The following GATA4 variants were observed in gnomAD, a reference collection of about 807,000 sequenced individuals.
GATA4 encodes the protein GATA binding protein 4, also known as transcription factor GATA-4.
Under a neutral mutation model 37.9 loss-of-function variants are expected in GATA4, and 7 were observed. The observed-to-expected ratio is 0.18, with a 90% CI of 0.11 to 0.35. The LOEUF is 0.35. Among genes scored for constraint, GATA4 ranks in the 10% least tolerant of loss-of-function variants. GATA4 has a pLI of 1.00. For synonymous variants in GATA4, 372 were observed against 292.6 expected, an observed-to-expected ratio of 1.27 and a Z score of -2.77; for missense variants, 647 against 653.0, an observed-to-expected ratio of 0.99 and a Z score of 0.10.
upstream of GATA4, among the ~76,000 whole-genome samples, chr8:11,699,286 G>A (rs145620997): frequency 1.3e-5 from 2 of 152,306 alleles, no homozygotes; most frequent in Admixed American, 6.5e-5. Flanking sequence ...GTTAACCCTG[G>A]TCTTGCTCTG....
chr8:11,714,052 G>A (rs1301024205), intron 2 of GATA4, among the ~76,000 whole-genome samples: 3 of 152,174 alleles, frequency 2.0e-5, no homozygotes, highest in African/African-American at 7.2e-5. Context: ...AGTACTTAAG[G>A]CTGAAAAGGA....
chr8:11,677,476 A>C (rs1038405221), intron 1 of GATA4, among the ~76,000 whole-genome samples: 13 of 152,310 alleles, frequency 8.5e-5, no homozygotes, highest in Middle Eastern at 3.4e-3. Context: ...AATCAAATGG[A>C]TCTGACCAGG....
chr8:11,715,555 A>G (rs1800400638), intron 2 of GATA4, among the ~76,000 whole-genome samples: 1 of 152,154 alleles, frequency 6.6e-6, no homozygotes, highest in African/African-American at 2.4e-5. Context: ...AGCCTGGCCA[A>G]TGTGGTGAAA....
At chr8:11,721,644 T>C (rs1800683582) in intron 2 of GATA4, among the ~76,000 whole-genome samples, 1 of 152,024 alleles carries the variant, frequency 6.6e-6, no homozygotes, top group African/African-American at 2.4e-5. Context: ...TGAGTTCAAA[T>C]TGAGGGCCAA....
intron 6 of GATA4, among the ~76,000 whole-genome samples, chr8:11,758,034 G>T (rs1802692033): frequency 6.6e-6 from 1 of 152,196 alleles, no homozygotes; most frequent in South Asian, 2.1e-4. Flanking sequence ...AGCCTTCTGG[G>T]CAACCACAGT....
At chr8:11,744,634 C>T (rs976540741) in intron 2 of GATA4, among the ~76,000 whole-genome samples, 3 of 152,212 alleles carry the variant, frequency 2.0e-5, no homozygotes, top group Non-Finnish European at 2.9e-5. Flanking sequence ...CAACGTTTTC[C>T]TCTATGGTTA....
chr8:11,725,141 C>A lies in GATA4; in HGVS notation c.616+16213C>A, dbSNP rs1017519623. Among the ~76,000 whole-genome samples, 38 of 152,188 alleles carry A rather than the reference C, an allele frequency of 2.5e-4. 1 individual carries two copies. The highest frequency in any genetic ancestry group is 5.9e-5 in the Non-Finnish European group (4 of 68,036). ...AGCCTCGTGCGCAGCCCATGCAGTCCCTGTGGGGCTGGGGTAGAGATGAGG... is the reference window on the plus strand; with the variant it reads ...AGCCTCGTGCGCAGCCCATGCAGTCACTGTGGGGCTGGGGTAGAGATGAGG... On this transcript the variant is annotated intron_variant, in intron 2 of 6. Transcript: ENST00000532059.
At chr8:11,716,536 G>T (rs928835368) in intron 2 of GATA4, among the ~76,000 whole-genome samples, 2 of 152,128 alleles carry the variant, frequency 1.3e-5, no homozygotes, top group Admixed American at 1.3e-4. Flanking sequence ...TTCACAGGAG[G>T]TTGCTTTACT....
chr8:11,708,034 C>T lies in GATA4; in HGVS notation c.-279C>T. The T allele has an allele frequency of 2.0e-6, 1 of 494,154 alleles. No homozygotes were observed. The highest frequency in any genetic ancestry group is 3.7e-6 in the Non-Finnish European group (1 of 266,722). 30.6% of individuals were successfully genotyped at this position (494,154 alleles called of 1,614,324 possible). On this transcript the variant is annotated 5_prime_UTR_variant, in exon 2 of 7. Coordinates refer to ENST00000532059, the MANE Select transcript of GATA4 (RefSeq NM_001308093.3). The surrounding 1 kb of genome is among the most constrained non-coding windows in gnomAD (Gnocchi z 6.7). The stretch of plus-strand genomic sequence containing the variant: ...CAATAGGTGCGCCGGACCTTCAGGC[C>T]CTGGGGTGAATTCAGCTGCTCCTAC...
intron 2 of GATA4, among the ~76,000 whole-genome samples, chr8:11,720,210 T>A (rs73203490): frequency 6.6e-6 from 1 of 151,888 alleles, no homozygotes; most frequent in South Asian, 2.1e-4. Context: ...GAAGGACTGC[T>A]CTACCGCCCT....
intron 5 of GATA4, among the ~76,000 whole-genome samples, chr8:11,755,913 A>T (rs1802538264): frequency 6.6e-6 from 1 of 150,952 alleles, no homozygotes; most frequent in Non-Finnish European, 1.5e-5. Flanking sequence ...TGTCTTTAAA[A>T]AAAAAAAAAA....
chr8:11,725,358 T>A (rs1332987438), intron 2 of GATA4, among the ~76,000 whole-genome samples: 4 of 152,238 alleles, frequency 2.6e-5, no homozygotes, highest in Admixed American at 2.6e-4. Context: ...AAAGACTGTC[T>A]CACCCCCAGT....
At chr8:11,680,498 G>C in intron 1 of GATA4, 3 of 985,462 alleles carry the variant, frequency 3.0e-6, no homozygotes, top group Non-Finnish European at 3.6e-6. Context: ...GATCAATCTG[G>C]CGCCACATGG....
At chr8:11,694,452 T>G (rs1261698982) in intron 1 of GATA4, 12 of 984,724 alleles carry the variant, frequency 1.2e-5, no homozygotes, top group Non-Finnish European at 1.4e-5. Context: ...CCCCAGAACA[T>G]TGCGCTGCCA....
intron 1 of GATA4, among the ~76,000 whole-genome samples, chr8:11,706,725 T>C (rs1022422593): frequency 1.3e-5 from 2 of 152,196 alleles, no homozygotes; most frequent in Non-Finnish European, 2.9e-5. Flanking sequence ...GGTGGACAGC[T>C]TCAAGCCCCT....
At chr8:11,738,339 GTCC>G (rs575545934) in intron 2 of GATA4, among the ~76,000 whole-genome samples, 49 of 151,998 alleles carry the variant, frequency 3.2e-4, no homozygotes, top group Middle Eastern at 3.4e-3. Flanking sequence ...TTTCTTGTCT[GTCC>G]TCCTAAAAAT....
At chr8:11,734,215 C>G (rs1801340886) in intron 2 of GATA4, among the ~76,000 whole-genome samples, 1 of 152,150 alleles carries the variant, frequency 6.6e-6, no homozygotes, top group Non-Finnish European at 1.5e-5. Flanking sequence ...TACAAGGATG[C>G]CTGATGAAGC....
upstream of GATA4, among the ~76,000 whole-genome samples, chr8:11,692,375 T>G (rs538960190): frequency 2.0e-5 from 3 of 152,376 alleles, no homozygotes; most frequent in East Asian, 3.9e-4. Flanking sequence ...ACGCAAGACC[T>G]CGCCGTCTTT....
chr8:11,748,880 C>A (rs776698296), intron 2 of GATA4, 36 bp from the exon 3 acceptor site: 3 of 1,610,212 alleles, frequency 1.9e-6, no homozygotes, highest in South Asian at 1.1e-5. Flanking sequence ...AGAATTAATC[C>A]TCTGTGTCTT....
Sources: gnomAD v4.1 joint callset for allele counts (sites outside exome capture counted in the v4.1 genomes callset) on GRCh38, gnomAD v4.1.1 for gene constraint, Gnocchi (gnomAD v3.1) non-coding constraint, MANE v1.5 for transcripts, NCBI Gene and HGNC (gene_info 2026-07-23, HGNC 2026-07-21) for gene names.